WDR83: variants seen among roughly 807,000 people sequenced by gnomAD.
WDR83 encodes the protein WD repeat domain 83.
Under a neutral mutation model 37.7 loss-of-function variants are expected in WDR83, and 37 were observed. The observed-to-expected ratio is 0.98, with a 90% CI of 0.76 to 1.29. The LOEUF (loss-of-function observed/expected upper bound fraction) is 1.29. Among genes scored for constraint, WDR83 ranks in the 50% most tolerant of loss-of-function variants. WDR83 has a pLI of 0.00. For synonymous variants in WDR83, 174 were observed against 181.1 expected (o/e 0.96, Z 0.31); for missense variants, 445 against 414.4 (o/e 1.07, Z -0.64).
chr19:12,671,157 G>C (rs1274797863), intron 7 of WDR83: 1 of 230,244 alleles, frequency 4.3e-6, no homozygotes. Context: ...GTGAAACCCC[G>C]TCTCTACTAA....
At chr19:12,671,923 CTT>C (rs1287963408) in intron 7 of WDR83, among the ~76,000 whole-genome samples, 2 of 152,126 alleles carry the variant, frequency 1.3e-5, no homozygotes, top group Non-Finnish European at 2.9e-5. Flanking sequence ...GTCTCCATCT[CTT>C]GACCTCGTGA....
chr19:12,673,178 C>T (rs1220741142), intron 9 of WDR83, 24 bp from the exon 10 acceptor site: 4 of 1,613,026 alleles, frequency 2.5e-6, no homozygotes, highest in Admixed American at 3.3e-5. Flanking sequence ...GAGGACCAAG[C>T]CCCCCGATCC....
chr19:12,668,558 C>A lies in WDR83; in HGVS notation c.-106C>A. The A allele has an allele frequency of 6.2e-7, 1 of 1,614,104 alleles. No homozygotes were observed. The highest frequency in any genetic ancestry group is 1.1e-5 in the South Asian group (1 of 91,082). ...TCATTTGCTTCGTGTCCTCCGAGCT[C>A]CGAGAGTTGGCAAAGCTGATGAAGG... is the stretch of plus-strand genomic sequence containing the variant. On this transcript the variant is annotated 5_prime_UTR_variant, in exon 2 of 11. Transcript: ENST00000418543.
chr19:12,673,723 C>CT (rs1568315292), intron 10 of WDR83, among the ~76,000 whole-genome samples: 1 of 150,698 alleles, frequency 6.6e-6, no homozygotes, highest in Non-Finnish European at 1.5e-5. Context: ...GCCCTTTTTT[C>CT]TTTTTTTGAG....
chr19:12,672,864 T>A lies in WDR83; in HGVS notation c.524T>A (p.Val175Glu). The A allele has an allele frequency of 6.3e-7, 1 of 1,588,934 alleles. No homozygotes were observed. The highest frequency in any genetic ancestry group is 8.6e-7 in the Non-Finnish European group (1 of 1,167,372). ...TCCTGCAGCTCCGTGGATGGCCGCG[T>A]GAGACGCTATGACCTAAGGATGGGG... ...EILAGSVDGR[V>E]RRYDLRMGQL... The change falls in exon 8 of 11, where the codon GTG (valine) becomes GAG (glutamate). Residue 175 changes from valine to glutamate, a missense_variant. Val to Glu is a moderately radical substitution (Grantham distance 121). Transcript: ENST00000418543.
intron 10 of WDR83, among the ~76,000 whole-genome samples, chr19:12,674,656 T>C (rs1362518397): frequency 6.6e-6 from 1 of 152,000 alleles, no homozygotes; most frequent in African/African-American, 2.4e-5. Flanking sequence ...TGGGGATCAT[T>C]GGGGCTGCCA....
intron 5 of WDR83, 96 bp from the exon 6 acceptor site, chr19:12,670,467 C>G (rs1016528765): frequency 1.5e-5 from 24 of 1,585,904 alleles, no homozygotes; most frequent in Non-Finnish European, 2.1e-5. Flanking sequence ...AACCTTTCAC[C>G]TCCCCTTCGC....
rs561307368 is a variant in WDR83 at position 12,672,548 on chromosome 19, C to T, written c.507-299C>T. ...TCTTGAACCCGGGAGGCAGAGGTTCCGGTGAGCCAAGATCATGCCATTGCA... is the reference window on the plus strand; with the variant it reads ...TCTTGAACCCGGGAGGCAGAGGTTCTGGTGAGCCAAGATCATGCCATTGCA... On this transcript the variant is annotated intron_variant, in intron 7 of 10. Transcript: ENST00000418543. 132 of 391,136 alleles carry T rather than the reference C, an allele frequency of 3.4e-4. 1 individual carries two copies. The highest frequency in any genetic ancestry group is 2.5e-3 in the African/African-American group (122 of 49,184). The allele number at this position is 391,136 out of a possible 1,614,324, so 24.2% of individuals were successfully genotyped here. A position where few individuals can be genotyped will look rare whatever the true frequency, so the allele number is the denominator to read the frequency against.
In WDR83 at chr19:12,672,862, C is replaced by T. The variant is rs769978666; in HGVS notation, c.522C>T (p.Arg174=). The T allele has an allele frequency of 1.2e-5, 19 of 1,587,950 alleles. No individual in the cohort carries two copies. The highest frequency in any genetic ancestry group is 6.9e-5 in the South Asian group (6 of 87,134). The change falls in exon 8 of 11, where the codon CGC becomes CGT. Residue 174 remains arginine (R), a synonymous_variant. Transcript: ENST00000418543. The part of the protein sequence containing the change: ...HEILAGSVDG[R]VRRYDLRMGQ... Reference sequence around the variant, plus strand: ...TCTCCTGCAGCTCCGTGGATGGCCGCGTGAGACGCTATGACCTAAGGATGG... The same window carrying T: ...TCTCCTGCAGCTCCGTGGATGGCCGTGTGAGACGCTATGACCTAAGGATGG...
rs191930535 is a variant in WDR83 at position 12,667,305 on chromosome 19, T to C, written c.-157+313T>C. On this transcript the variant is annotated intron_variant, in intron 1 of 10. Transcript: ENST00000418543. ...CATGCCTTTCCCAATTCCTACCAGT[T>C]CATTCTCTGATAAGAAAACAAAGCC... Among the ~76,000 whole-genome samples the C allele has an allele frequency of 7.9e-4, 121 of 152,268 alleles. 1 individual carries two copies. Among genetic ancestry groups the C allele is most frequent in the African/African-American group, 2.8e-3 (115 of 41,554 alleles).
rs1211573526 is a variant in WDR83, at chr19:12,669,741, A to G, written c.-36-14A>G. ...CCAAGCGTGGGTTTCTAAGGCGCGG[A>G]ATTTTCCGTACAGACCGATTTAAGG... On this transcript the variant is annotated splice_polypyrimidine_tract_variant and intron_variant, in intron 2 of 10. Transcript: ENST00000418543. The G allele has an allele frequency of 1.3e-6, 2 of 1,526,894 alleles. No individual in the cohort carries two copies. The highest frequency in any genetic ancestry group is 1.8e-6 in the Non-Finnish European group (2 of 1,135,740). 94.6% of individuals were successfully genotyped at this position (1,526,894 alleles called of 1,614,324 possible). A position where few individuals can be genotyped will look rare whatever the true frequency, so the allele number is the denominator to read the frequency against.
rs764380107 is a variant in WDR83, at chr19:12,673,213, A to G, written c.695A>G (p.His232Arg). ...CTGTCCACCCTTAGGTACAAGGGCC[A>G]TAAGAACCAGGAATACAAGCTGGAC... The part of the protein sequence containing the change: ...TGELLGEYKG[H>R]KNQEYKLDCC... Residue 232 changes from histidine to arginine, a missense_variant, in exon 10 of 11, where the codon CAT (histidine) becomes CGT (arginine). Transcript: ENST00000418543. 3.4e-5 allele frequency: 55 copies of G among 1,613,898 alleles called. No individual in the cohort carries two copies. The highest frequency in any genetic ancestry group is 1.0e-4 in the Admixed American group (6 of 59,966).
chr19:12,673,324 G>A lies in WDR83; in HGVS notation c.798+8G>A, dbSNP rs188636482. 3.2e-4 allele frequency: 512 copies of A among 1,607,306 alleles called. 7 individuals are homozygous for A. The Admixed American group carries it at 8.4e-3, about 26-fold the overall frequency. ...TTCTGGGACCTGGTGGAGGTGAGGT[G>A]CCCCCAGCCCTACTTCATACCTAGA... On this transcript the variant is annotated splice_region_variant and intron_variant, in intron 10 of 10. Transcript: ENST00000418543.
At position 12,675,782 on chromosome 19, in the gene WDR83, G is replaced by A. The variant is rs759085758; in HGVS notation, c.*110G>A. ...TGACCAAAAAGTAGGGGAGGGGCTG[G>A]GTCTGCAAATTAATAAATAGAAGAG... On this transcript the variant is annotated 3_prime_UTR_variant, in exon 11 of 11. Coordinates refer to ENST00000418543, the MANE Select transcript of WDR83 (RefSeq NM_001099737.3). 24 of 1,566,664 alleles carry A rather than the reference G, an allele frequency of 1.5e-5. No individual in the cohort carries two copies. The highest frequency in any genetic ancestry group is 2.0e-5 in the Non-Finnish European group (23 of 1,154,372).
chr19:12,674,454 G>A (rs553290246), intron 10 of WDR83, among the ~76,000 whole-genome samples: 1 of 152,148 alleles, frequency 6.6e-6, no homozygotes, highest in African/African-American at 2.4e-5. Flanking sequence ...AACCGGGGGG[G>A]CCCTGAAGAC....
chr19:12,673,368 C>A, intron 10 of WDR83, 52 bp downstream of exon 10: 2 of 1,345,244 alleles, frequency 1.5e-6, no homozygotes, highest in African/African-American at 1.4e-5. Flanking sequence ...CCATCTCAGC[C>A]CTGTCCTTAC....
intron 7 of WDR83, 135 bp downstream of exon 7, chr19:12,670,956 G>GA: frequency 1.5e-6 from 2 of 1,372,908 alleles, no homozygotes; most frequent in Non-Finnish European, 2.0e-6. Flanking sequence ...GGAGGCTGAA[G>GA]TGGAAGGATC....
chr19:12,673,183 C>A lies in WDR83; in HGVS notation c.684-19C>A. On this transcript the variant is annotated intron_variant, in intron 9 of 10. Coordinates refer to ENST00000418543, the MANE Select transcript of WDR83 (RefSeq NM_001099737.3). ...CACCCCTGGAGAGGACCAAGCCCCC[C>A]GATCCTGTCCACCCTTAGGTACAAG... The A allele has an allele frequency of 1.2e-6, 2 of 1,613,708 alleles. No homozygotes were observed. Among genetic ancestry groups the A allele is most frequent in the Non-Finnish European group, 1.7e-6 (2 of 1,179,696 alleles).
At chr19:12,674,724 T>C (rs1024199687) in intron 10 of WDR83, among the ~76,000 whole-genome samples, 2 of 152,112 alleles carry the variant, frequency 1.3e-5, no homozygotes, top group African/African-American at 4.8e-5. Context: ...GAGCAAGGCA[T>C]GCTCCAAACA....
Sources: allele counts gnomAD v4.1 joint callset (sites outside exome capture counted in the v4.1 genomes callset), GRCh38; gene constraint gnomAD v4.1.1; transcripts MANE v1.5; gene names NCBI Gene and HGNC (gene_info 2026-07-23, HGNC 2026-07-21).